The following DENND4B variants were observed in gnomAD, a reference collection of about 807,000 sequenced individuals.
The protein encoded by DENND4B is DENN domain containing 4B, also known as DENN domain-containing protein 4B.
DENND4B carries 67 observed loss-of-function variants against 161.0 expected under a neutral mutation model. The observed-to-expected ratio is 0.42, with a 90% CI of 0.34 to 0.51. The LOEUF (loss-of-function observed/expected upper bound fraction) is 0.51. DENND4B is among the 20% of genes least tolerant of loss of function. The pLI, the probability that DENND4B is intolerant of heterozygous loss-of-function variation, is 0.08. For missense variants in DENND4B, 1,481 were observed against 1,968.0 expected, an observed-to-expected ratio of 0.75 and a Z score of 4.68; for synonymous variants, 753 against 813.8, an observed-to-expected ratio of 0.93 and a Z score of 1.27.
At chr1:153,935,070 A>T (rs1001146282) in intron 17 of DENND4B, 106 bp from the exon 18 acceptor site, 1 of 1,543,226 alleles carries the variant, frequency 6.5e-7, no homozygotes, top group Middle Eastern at 1.7e-4. Context: ...CCCTGCAGAC[A>T]TCCTGTCTAG....
chr1:153,943,767 C>T (rs1259865704), intron 2 of DENND4B, among the ~76,000 whole-genome samples: 1 of 151,276 alleles, frequency 6.6e-6, no homozygotes, highest in South Asian at 2.1e-4. Flanking sequence ...CATTTAATCT[C>T]GACCATCCTA....
At position 153,934,173 on chromosome 1, in the gene DENND4B, C is replaced by T. The variant is rs748707602; in HGVS notation, c.2903G>A (p.Arg968Gln). The T allele has an allele frequency of 3.8e-6, 6 of 1,592,534 alleles. No individual in the cohort carries two copies. The highest frequency in any genetic ancestry group is 1.4e-5 in the African/African-American group (1 of 73,414). Residue 968 changes from arginine to glutamine, a missense_variant, in exon 19 of 28, where the codon CGA becomes CAA. Physicochemically the swap from Arg to Gln is conservative, Grantham distance 43 (BLOSUM62 1). This residue lies in a region of DENND4B where 339 missense variants were observed against 330.3 expected (regional missense o/e 1.03). Coordinates refer to ENST00000361217, the MANE Select transcript of DENND4B (RefSeq NM_014856.3). This position sits in a 1 kb window ranked among gnomAD's most constrained non-coding sequence, Gnocchi z 5.3. The part of the protein sequence containing the change: ...LVKSGSLGSA[R>Q]GAQPTVEAGV... Reference sequence around the variant, plus strand: ...GGCCTCCACAGTGGGCTGTGCCCCTCGGGCACTGCCCAGGCTACCACTCTT... The same window carrying T: ...GGCCTCCACAGTGGGCTGTGCCCCTTGGGCACTGCCCAGGCTACCACTCTT...
At position 153,933,694 on chromosome 1, in the gene DENND4B, C is replaced by G; in HGVS notation, c.3119G>C (p.Gly1040Ala). Residue 1040 changes from glycine (G) to alanine (A), a missense_variant, in exon 20 of 28, where the codon GGA becomes GCA. Physicochemically the swap from Gly to Ala is moderately conservative, Grantham distance 60. Transcript: ENST00000361217. This position sits in a 1 kb window ranked among gnomAD's most constrained non-coding sequence, Gnocchi z 5.7. Reference protein sequence around the residue: ...TEALEGLSGRGPKAGGRQDEA... With the variant: ...TEALEGLSGRAPKAGGRQDEA... Reference sequence around the variant, plus strand: ...ATCCTGTCGCCCACCAGCCTTGGGTCCCCGCCCACTTAGCCCTTCCAGGGC... The same window carrying G: ...ATCCTGTCGCCCACCAGCCTTGGGTGCCCGCCCACTTAGCCCTTCCAGGGC... 1.3e-6 allele frequency: 2 copies of G among 1,576,824 alleles called. No individual in the cohort carries two copies. The highest frequency in any genetic ancestry group is 1.7e-6 in the Non-Finnish European group (2 of 1,162,218).
Position 153,940,093 on chromosome 1 carries a change from T to G in DENND4B, c.1603+63A>C. On this transcript the variant is annotated intron_variant, in intron 11 of 27. Coordinates refer to ENST00000361217, the MANE Select transcript of DENND4B (RefSeq NM_014856.3). The surrounding 1 kb of genome is among the most constrained non-coding windows in gnomAD (Gnocchi z 5.6). ...AAATGTCTAGCTCCCCACAGACCTC[T>G]GCAAACTGGAGGTTTGAGGGCAATG... 1.4e-6 allele frequency: 2 copies of G among 1,395,988 alleles called. No homozygotes were observed. The highest frequency in any genetic ancestry group is 5.0e-5 in the Admixed American group (2 of 40,344). The allele number at this position is 1,395,988 out of a possible 1,614,324, so 86.5% of individuals were successfully genotyped here.
chr1:153,936,535 T>G lies in DENND4B; in HGVS notation c.2439+7A>C. On this transcript the variant is annotated splice_region_variant and intron_variant, in intron 16 of 27. Transcript: ENST00000361217. The surrounding 1 kb of genome is among the most constrained non-coding windows in gnomAD (Gnocchi z 4.1). ...TGGGTATGAGCATGGTCACATAGAT[T>G]GCCTACCTCATCAGGGAGCACCACC... 6.3e-7 allele frequency: 1 copy of G among 1,579,820 alleles called. No individual in the cohort carries two copies. The highest frequency in any genetic ancestry group is 8.6e-7 in the Non-Finnish European group (1 of 1,159,222).
chr1:153,945,155 C>G (rs546293570), intron 1 of DENND4B: 1 of 1,289,508 alleles, frequency 7.8e-7, no homozygotes, highest in East Asian at 5.6e-5. Flanking sequence ...GGCCCAACCC[C>G]GGGGAGTAGG....
At position 153,937,897 on chromosome 1, in the gene DENND4B, A is replaced by G. The variant is rs1679439690; in HGVS notation, c.1966-34T>C. Reference sequence around the variant, plus strand: ...GGATTTTAAGAGAGCAAGTGTTGAGATGGTGGGCATGGAGCAGAGCCAGGG... The same window carrying G: ...GGATTTTAAGAGAGCAAGTGTTGAGGTGGTGGGCATGGAGCAGAGCCAGGG... On this transcript the variant is annotated intron_variant, in intron 13 of 27. Transcript: ENST00000361217. This position sits in a 1 kb window ranked among gnomAD's most constrained non-coding sequence, Gnocchi z 4.7. 2 of 1,613,458 alleles carry G rather than the reference A, an allele frequency of 1.2e-6. No individual in the cohort carries two copies. Among genetic ancestry groups the G allele is most frequent in the African/African-American group, 2.7e-5 (2 of 74,908 alleles).
Position 153,940,367 on chromosome 1 carries a change from C to A in DENND4B, c.1502+64G>T. ...TGAAGCTCTTTTTGAGCCCGTAGCA[C>A]TCCACACACTAGCCCATTCCTGCCC... On this transcript the variant is annotated intron_variant, in intron 10 of 27. Transcript: ENST00000361217. The surrounding 1 kb of genome is among the most constrained non-coding windows in gnomAD (Gnocchi z 5.6). 1 of 1,583,670 alleles carries A rather than the reference C, an allele frequency of 6.3e-7. No homozygotes were observed. Among genetic ancestry groups the A allele is most frequent in the Non-Finnish European group, 8.6e-7 (1 of 1,163,046 alleles).
At position 153,930,905 on chromosome 1, in the gene DENND4B, A is replaced by G; in HGVS notation, c.4114+42T>C. 1.3e-6 allele frequency: 2 copies of G among 1,597,148 alleles called. No individual in the cohort carries two copies. Among genetic ancestry groups the G allele is most frequent in the Non-Finnish European group, 8.5e-7 (1 of 1,172,628 alleles). ...ACCAGAATCACTGAGCCCTCTGGGTATGGGACCCACCCTCCCCACCCAGGC... is the reference window on the plus strand; with the variant it reads ...ACCAGAATCACTGAGCCCTCTGGGTGTGGGACCCACCCTCCCCACCCAGGC... On this transcript the variant is annotated intron_variant, in intron 25 of 27. Coordinates refer to ENST00000361217, the MANE Select transcript of DENND4B (RefSeq NM_014856.3). This position sits in a 1 kb window ranked among gnomAD's most constrained non-coding sequence, Gnocchi z 4.7.
At chr1:153,931,096 G>C (rs776563575) in intron 24 of DENND4B, 32 bp from the exon 25 acceptor site, 19 of 1,555,830 alleles carry the variant, frequency 1.2e-5, no homozygotes, top group Non-Finnish European at 1.6e-5. Flanking sequence ...AGACAGTTAG[G>C]CTCAACGAAT....
At position 153,940,788 on chromosome 1, in the gene DENND4B, G is replaced by A. The variant is rs754639787; in HGVS notation, c.1326+116C>T. 5 of 1,463,656 alleles carry A rather than the reference G, an allele frequency of 3.4e-6. No individual in the cohort carries two copies. The African/African-American group carries it at 4.2e-5, about 12-fold the overall frequency. 90.7% of individuals were successfully genotyped at this position (1,463,656 alleles called of 1,614,324 possible). On this transcript the variant is annotated intron_variant, in intron 9 of 27. Coordinates refer to ENST00000361217, the MANE Select transcript of DENND4B (RefSeq NM_014856.3). This position sits in a 1 kb window ranked among gnomAD's most constrained non-coding sequence, Gnocchi z 5.6. ...ATGTGTTCCTGCAGGCTGTGCCCAG[G>A]GAAAGGGGCTGAGGATCCTCCACAA... is the stretch of plus-strand genomic sequence containing the variant.
intron 17 of DENND4B, among the ~76,000 whole-genome samples, chr1:153,935,454 C>T (rs1343988144): frequency 6.6e-6 from 1 of 152,220 alleles, no homozygotes; most frequent in Non-Finnish European, 1.5e-5. Flanking sequence ...TCAAGTGATT[C>T]TCTTGCCTCA....
chr1:153,939,555 G>T, intron 12 of DENND4B, 34 bp downstream of exon 12: 2 of 1,568,614 alleles, frequency 1.3e-6, no homozygotes, highest in Non-Finnish European at 1.7e-6. Context: ...CTCCTCCCAT[G>T]ATACATCTCC....
At chr1:153,939,147 C>T in intron 12 of DENND4B, 102 bp from the exon 13 acceptor site, 3 of 1,418,656 alleles carry the variant, frequency 2.1e-6, no homozygotes, top group South Asian at 2.7e-5. Flanking sequence ...CCACTCAGGC[C>T]CAAAGCCATA....
chr1:153,938,077 C>A (rs919623863), intron 13 of DENND4B, among the ~76,000 whole-genome samples: 7 of 152,212 alleles, frequency 4.6e-5, no homozygotes, highest in African/African-American at 1.7e-4. Flanking sequence ...TCCAGAAGTG[C>A]CATCCCAGTC....
In DENND4B at chr1:153,930,447, G is replaced by C; in HGVS notation, c.4346-5C>G. The C allele has an allele frequency of 6.2e-7, 1 of 1,613,890 alleles. No individual in the cohort carries two copies. Among genetic ancestry groups the C allele is most frequent in the Non-Finnish European group, 8.5e-7 (1 of 1,179,802 alleles). ...TGTACTTCTTATCGAAGGCCACTAG[G>C]GAAGAAGGTGGAAGTCAACATGTTA... On this transcript the variant is annotated splice_region_variant and splice_polypyrimidine_tract_variant and intron_variant, in intron 27 of 27. Transcript: ENST00000361217. This position sits in a 1 kb window ranked among gnomAD's most constrained non-coding sequence, Gnocchi z 4.7.
chr1:153,932,974 C>G lies in DENND4B; in HGVS notation c.3510G>C (p.Glu1170Asp). 1 of 1,613,996 alleles carries G rather than the reference C, an allele frequency of 6.2e-7. No individual in the cohort carries two copies. The highest frequency in any genetic ancestry group is 1.1e-5 in the South Asian group (1 of 91,080). ...CRACDSLVYDEEIMAGWAPDD... is the reference protein window; with the variant it reads ...CRACDSLVYDDEIMAGWAPDD... ...CAGGTGCCCAGCCAGCCATGATTTC[C>G]TCATCATACACCAGCGAATCACAGG... is the stretch of plus-strand genomic sequence containing the variant. Residue 1170 changes from glutamate to aspartate, a missense_variant, in exon 22 of 28, where the codon GAG becomes GAC. Physicochemically the swap from Glu to Asp is conservative, Grantham distance 45 (BLOSUM62 2). Around this residue, in one of 3 missense-constraint regions of DENND4B, gnomAD observed 336 missense variants for 503.3 expected, o/e 0.67. Coordinates refer to ENST00000361217, the MANE Select transcript of DENND4B (RefSeq NM_014856.3). This position sits in a 1 kb window ranked among gnomAD's most constrained non-coding sequence, Gnocchi z 5.8.
intron 17 of DENND4B, chr1:153,935,351 TTTTC>T (rs1679271107): frequency 5.4e-6 from 1 of 183,824 alleles, no homozygotes. Flanking sequence ...CCATATTCTT[TTTTC>T]TTTTTTTTCG....
intron 2 of DENND4B, among the ~76,000 whole-genome samples, 186 bp from the exon 3 acceptor site, chr1:153,943,316 C>T (rs946683): frequency 1.3e-5 from 2 of 152,196 alleles, no homozygotes; most frequent in Non-Finnish European, 2.9e-5. Flanking sequence ...CTTTCTTTGG[C>T]CTTTGGCCTT....
Sources: allele counts gnomAD v4.1 joint callset (sites outside exome capture counted in the v4.1 genomes callset), GRCh38; gene constraint gnomAD v4.1.1; regional missense constraint gnomAD v4.1.1; non-coding constraint Gnocchi (gnomAD v3.1); transcripts MANE v1.5; gene names NCBI Gene and HGNC (gene_info 2026-07-23, HGNC 2026-07-21).